The following DOCK2 variants were observed in gnomAD, a reference collection of about 807,000 sequenced individuals.
DOCK2 encodes dedicator of cytokinesis 2.
A neutral mutation model predicts 248.9 loss-of-function variants in DOCK2; 87 were observed. That is an observed-to-expected ratio of 0.35 (90% CI 0.29 to 0.42). The LOEUF (loss-of-function observed/expected upper bound fraction) is 0.42, where lower values mean the gene tolerates loss of function less well. Among genes scored for constraint, DOCK2 ranks in the 10% least tolerant of loss-of-function variants. The probability of loss-of-function intolerance (pLI) is 1.00; values close to 1 mark genes in which losing one functional copy is unlikely to be tolerated. For synonymous variants in DOCK2, 805 were observed against 821.6 expected (o/e 0.98, Z 0.35); for missense variants, 1,747 against 2,300.2 (o/e 0.76, Z 4.92).
At position 169,998,103 on chromosome 5, in the gene DOCK2, C is replaced by T. The variant is rs548770471; in HGVS notation, c.3072+1939C>T. 845 of 454,446 alleles carry T rather than the reference C, an allele frequency of 1.9e-3. 2 individuals carry two copies. Among genetic ancestry groups the T allele is most frequent in the Middle Eastern group, 7.1e-3 (19 of 2,684 alleles). The allele number at this position is 454,446 out of a possible 1,614,324, so 28.2% of individuals were successfully genotyped here. On this transcript the variant is annotated intron_variant, in intron 30 of 51. Coordinates refer to ENST00000520908, the MANE Select transcript of DOCK2 (RefSeq NM_004946.3). ...TCCTGACTCCTCCCTGAGGATCACC[C>T]CCACTCACTCCACAGTCATTATGCA...
chr5:169,647,531 A>G (rs777750331), intron 1 of DOCK2, among the ~76,000 whole-genome samples: 4 of 152,260 alleles, frequency 2.6e-5, no homozygotes, highest in Non-Finnish European at 4.4e-5. Flanking sequence ...CAGCACAGCA[A>G]TAAATAGAGT....
rs1402891746 is a variant in DOCK2, at chr5:169,654,460, T to A, written c.101T>A (p.Val34Glu). 6.2e-7 allele frequency: 1 copy of A among 1,614,068 alleles called. No individual in the cohort carries two copies. Among genetic ancestry groups the A allele is most frequent in the African/African-American group, 1.3e-5 (1 of 74,938 alleles). The change falls in exon 2 of 52, where the codon GTG becomes GAG. Residue 34 changes from valine (V) to glutamate (E), a missense_variant. This residue lies in a region of DOCK2 where 375 missense variants were observed against 510.9 expected (regional missense o/e 0.73). Transcript: ENST00000520908. ...APQLSLQIGD[V>E]VRIQETCGDW... ...CAGCTCTCCCTGCAGATCGGCGATG[T>A]GGTGCGAATACAGGAGACGTGTGGA... is the stretch of plus-strand genomic sequence containing the variant.
At chr5:169,994,082 C>T (rs1468229689) in intron 29 of DOCK2, among the ~76,000 whole-genome samples, 4 of 152,078 alleles carry the variant, frequency 2.6e-5, no homozygotes, top group Non-Finnish European at 2.9e-5. Context: ...AGCAGTATTT[C>T]AGGGTGGGTG....
At chr5:170,050,499 A>T in intron 41 of DOCK2, 102 bp downstream of exon 41, 1 of 1,380,116 alleles carries the variant, frequency 7.2e-7, no homozygotes, top group Non-Finnish European at 9.8e-7. Context: ...TGCTGCCAGA[A>T]TCATTGCAGT....
At chr5:169,830,772 C>T (rs261631) in intron 26 of DOCK2, among the ~76,000 whole-genome samples, 44,713 of 152,082 alleles carry the variant, frequency 0.29, 8,826 homozygotes, top group African/African-American at 0.56. Context: ...AGAATGTTAG[C>T]CCATGTTACT....
At chr5:169,863,352 T>G (rs1374991868) in intron 27 of DOCK2, among the ~76,000 whole-genome samples, 1 of 152,228 alleles carries the variant, frequency 6.6e-6, no homozygotes, top group Non-Finnish European at 1.5e-5. Flanking sequence ...GTGTTGTGTT[T>G]TATCTTAGCC....
chr5:169,870,088 A>G (rs562687535), intron 27 of DOCK2, among the ~76,000 whole-genome samples: 174 of 152,320 alleles, frequency 1.1e-3, no homozygotes, highest in Middle Eastern at 6.8e-3. Context: ...TGCATGGGAC[A>G]TGGGACCTGT....
At chr5:170,052,497 G>T (rs1173068126) in intron 41 of DOCK2, among the ~76,000 whole-genome samples, 2 of 152,148 alleles carry the variant, frequency 1.3e-5, no homozygotes, top group Non-Finnish European at 2.9e-5. Flanking sequence ...TTTGCTAAAT[G>T]TCCTTTTCTT....
chr5:169,691,104 A>G (rs1288267772), intron 9 of DOCK2, among the ~76,000 whole-genome samples: 2 of 152,196 alleles, frequency 1.3e-5, no homozygotes, highest in Non-Finnish European at 2.9e-5. Flanking sequence ...AGTTGCCATC[A>G]TGGCAGAAGG....
At chr5:169,710,210 G>A (rs1329453392) in intron 15 of DOCK2, among the ~76,000 whole-genome samples, 1 of 152,188 alleles carries the variant, frequency 6.6e-6, no homozygotes, top group African/African-American at 2.4e-5. Context: ...CTCTGAATCT[G>A]AAATGACCCC....
At chr5:170,027,420 A>T (rs1035866050) in intron 33 of DOCK2, among the ~76,000 whole-genome samples, 3 of 152,198 alleles carry the variant, frequency 2.0e-5, no homozygotes, top group African/African-American at 7.2e-5. Flanking sequence ...GCTGACCAGG[A>T]AACATGGCAT....
chr5:169,935,764 A>G (rs552765947), intron 27 of DOCK2, among the ~76,000 whole-genome samples: 9 of 152,216 alleles, frequency 5.9e-5, no homozygotes, highest in Non-Finnish European at 1.2e-4. Flanking sequence ...CACTGACTTC[A>G]TAGGAGAAAA....
chr5:169,698,815 G>A (rs1277023038), intron 11 of DOCK2, among the ~76,000 whole-genome samples: 1 of 152,208 alleles, frequency 6.6e-6, no homozygotes, highest in Non-Finnish European at 1.5e-5. Context: ...AATTACAAGT[G>A]CAGCAGAAAC....
chr5:169,929,516 T>A (rs1326625183), intron 27 of DOCK2, among the ~76,000 whole-genome samples: 1 of 151,984 alleles, frequency 6.6e-6, no homozygotes, highest in African/African-American at 2.4e-5. Context: ...GGGGGAGGAT[T>A]GCTTGAGCCC....
intron 33 of DOCK2, among the ~76,000 whole-genome samples, chr5:170,023,271 C>T (rs944015456): frequency 4.6e-5 from 7 of 152,120 alleles, no homozygotes; most frequent in Non-Finnish European, 8.8e-5. Context: ...GCCTGAACAC[C>T]GTAGGAGCTC....
intron 27 of DOCK2, among the ~76,000 whole-genome samples, chr5:169,896,096 G>A (rs1285915438): frequency 6.6e-6 from 1 of 152,116 alleles, no homozygotes; most frequent in Non-Finnish European, 1.5e-5. Context: ...CTGATTGGCT[G>A]CACTGGGGCA....
chr5:169,724,625 C>T lies in DOCK2; in HGVS notation c.2267+5834C>T, dbSNP rs541175070. On this transcript the variant is annotated intron_variant, in intron 22 of 51. Transcript: ENST00000520908. The stretch of plus-strand genomic sequence containing the variant: ...ACAAGGGCATCTCAGGAGCATGGTT[C>T]GCAGCTCAGCGACGCCTCCAGTCTA... 1.8e-4 allele frequency among the ~76,000 whole-genome samples: 28 copies of T among 152,216 alleles called. No individual in the cohort carries two copies. In the East Asian group the frequency reaches 2.9e-3, roughly 16 times the overall value.
At chr5:169,839,049 C>T (rs1286814360) in intron 26 of DOCK2, among the ~76,000 whole-genome samples, 2 of 152,158 alleles carry the variant, frequency 1.3e-5, no homozygotes, top group Admixed American at 1.3e-4. Flanking sequence ...TGCGGTAAAG[C>T]TTGCTGGAGT....
intron 27 of DOCK2, among the ~76,000 whole-genome samples, chr5:169,853,162 G>A (rs1032522579): frequency 6.6e-6 from 1 of 152,238 alleles, no homozygotes; most frequent in African/African-American, 2.4e-5. Flanking sequence ...CATGTGAGAT[G>A]TGCCTTTTAT....
Sources: allele counts gnomAD v4.1 joint callset (sites outside exome capture counted in the v4.1 genomes callset), GRCh38; gene constraint gnomAD v4.1.1; regional missense constraint gnomAD v4.1.1; transcripts MANE v1.5; gene names NCBI Gene and HGNC (gene_info 2026-07-23, HGNC 2026-07-21).